DNER: variants seen among roughly 807,000 people sequenced by gnomAD.
DNER encodes the protein delta and Notch-like epidermal growth factor-related receptor.
In DNER, 33 loss-of-function variants were observed where a neutral mutation model predicts 78.2. The observed-to-expected ratio is 0.42, with a 90% CI of 0.32 to 0.56. The LOEUF (loss-of-function observed/expected upper bound fraction) is 0.56, where lower values mean the gene tolerates loss of function less well. Among genes scored for constraint, DNER ranks in the 20% least tolerant of loss-of-function variants. The pLI is 0.11. For missense variants in DNER, 918 were observed against 975.3 expected, an observed-to-expected ratio of 0.94 and a Z score of 0.78; for synonymous variants, 417 against 384.8, an observed-to-expected ratio of 1.08 and a Z score of -0.98.
At chr2:229,452,816 CG>C in intron 7 of DNER, among the ~76,000 whole-genome samples, 1 of 151,792 alleles carries the variant, frequency 6.6e-6, no homozygotes, top group Admixed American at 6.6e-5. Context: ...TTAGTAGAGA[CG>C]GGGTTTCACC....
At chr2:229,669,554 G>C (rs1699172401) in intron 1 of DNER, among the ~76,000 whole-genome samples, 1 of 152,124 alleles carries the variant, frequency 6.6e-6, no homozygotes, top group Admixed American at 6.5e-5. Context: ...AGCATGGAAT[G>C]TTTTCCCATT....
intron 4 of DNER, among the ~76,000 whole-genome samples, chr2:229,559,473 A>G (rs16826188): frequency 0.021 from 3,263 of 152,282 alleles, 111 homozygotes; most frequent in African/African-American, 0.066. Flanking sequence ...GAAAGATAAG[A>G]TCTCTGTGAC....
chr2:229,447,977 T>C (rs968646725), intron 7 of DNER, among the ~76,000 whole-genome samples: 1 of 152,190 alleles, frequency 6.6e-6, no homozygotes, highest in Non-Finnish European at 1.5e-5. Flanking sequence ...TTAATAGATA[T>C]GACATAATCC....
chr2:229,702,302 A>G (rs1184945047), intron 1 of DNER, among the ~76,000 whole-genome samples: 1 of 152,158 alleles, frequency 6.6e-6, no homozygotes, highest in Non-Finnish European at 1.5e-5. Flanking sequence ...TGGGAGGTCA[A>G]GGCGGGAGGA....
At chr2:229,364,871 G>A (rs1418436114) in intron 12 of DNER, among the ~76,000 whole-genome samples, 1 of 78,942 alleles carries the variant, frequency 1.3e-5, no homozygotes, top group Non-Finnish European at 2.2e-5. Flanking sequence ...TTTTTTTTTA[G>A]GTAGAGTCTT....
intron 9 of DNER, among the ~76,000 whole-genome samples, chr2:229,413,693 G>A (rs1341568270): frequency 6.7e-6 from 1 of 150,254 alleles, no homozygotes; most frequent in African/African-American, 2.4e-5. Flanking sequence ...TTTTTAGGAG[G>A]ATAAATATAT....
At chr2:229,490,027 G>C (rs1346598508) in intron 6 of DNER, among the ~76,000 whole-genome samples, 1 of 152,128 alleles carries the variant, frequency 6.6e-6, no homozygotes, top group Non-Finnish European at 1.5e-5. Flanking sequence ...GAGGGAAGAG[G>C]AGGAGAGGAG....
chr2:229,494,644 AC>A (rs1338207922), intron 6 of DNER, among the ~76,000 whole-genome samples: 1 of 152,142 alleles, frequency 6.6e-6, no homozygotes, highest in Non-Finnish European at 1.5e-5. Context: ...AGGCTGTCAT[AC>A]CCTTAGAAAC....
chr2:229,618,971 C>A (rs1419580545), intron 1 of DNER, among the ~76,000 whole-genome samples: 1 of 152,002 alleles, frequency 6.6e-6, no homozygotes, highest in Admixed American at 6.6e-5. Context: ...CCCTCTACAC[C>A]CACTCCTGCT....
chr2:229,442,597 C>T (rs1213631890), intron 8 of DNER, among the ~76,000 whole-genome samples: 1 of 152,086 alleles, frequency 6.6e-6, no homozygotes, highest in Non-Finnish European at 1.5e-5. Flanking sequence ...ACTTACTATA[C>T]TTATCCAAAA....
intron 5 of DNER, among the ~76,000 whole-genome samples, chr2:229,521,285 T>C (rs1696092202): frequency 1.3e-5 from 2 of 152,254 alleles, no homozygotes; most frequent in South Asian, 4.2e-4. Context: ...CAGCCATCAG[T>C]GGGAGGAAGA....
chr2:229,554,919 A>G (rs1380516431), intron 4 of DNER, among the ~76,000 whole-genome samples: 1 of 61,658 alleles, frequency 1.6e-5, no homozygotes, highest in African/African-American at 6.1e-5. Context: ...AGAGAAGAGA[A>G]GAGAAGAGAA....
intron 6 of DNER, among the ~76,000 whole-genome samples, chr2:229,499,609 T>A (rs1695572087): frequency 7.0e-6 from 1 of 143,762 alleles, no homozygotes. Context: ...GACCTGAAAC[T>A]GTTAAACAGA....
At chr2:229,506,190 T>TGC (rs1553536221) in intron 6 of DNER, among the ~76,000 whole-genome samples, 1 of 150,716 alleles carries the variant, frequency 6.6e-6, no homozygotes, top group Non-Finnish European at 1.5e-5. Flanking sequence ...TCCACAGGGC[T>TGC]GGGGGGCCTC....
intron 1 of DNER, among the ~76,000 whole-genome samples, chr2:229,635,309 T>C (rs1435096235): frequency 7.1e-6 from 1 of 141,668 alleles, no homozygotes; most frequent in Non-Finnish European, 1.5e-5. Context: ...CAATACCACA[T>C]GTTAAATGTT....
At chr2:229,543,700 C>G (rs1267811088) in intron 5 of DNER, among the ~76,000 whole-genome samples, 3 of 152,174 alleles carry the variant, frequency 2.0e-5, no homozygotes, top group Non-Finnish European at 4.4e-5. Flanking sequence ...TCCTCCACCC[C>G]CTGCCAGTGG....
In DNER at chr2:229,388,269, C is replaced by G. The variant is rs1692940933; in HGVS notation, c.1851G>C (p.Glu617Asp). The change falls in exon 11 of 13, where the codon GAG becomes GAC. Residue 617 changes from glutamate to aspartate, a missense_variant. Coordinates refer to ENST00000341772, the MANE Select transcript of DNER (RefSeq NM_139072.4). ...CTGAGCTGCAGAAATACTTACGGAT[C>G]TCACAGTTTGCTCCCACCCAACCAT... is the stretch of plus-strand genomic sequence containing the variant. ...CPHGWVGANC[E>D]IHLQWKSGHM... 2 of 1,606,510 alleles carry G rather than the reference C, an allele frequency of 1.2e-6. No homozygotes were observed. The highest frequency in any genetic ancestry group is 1.7e-6 in the Non-Finnish European group (2 of 1,176,284).
At chr2:229,388,467 A>C in intron 10 of DNER, 71 bp from the exon 11 acceptor site, 3 of 1,514,752 alleles carry the variant, frequency 2.0e-6, no homozygotes, top group South Asian at 1.3e-5. Context: ...TGGCCAAAAA[A>C]TAAAGATCCA....
At chr2:229,636,357 A>G (rs1307003672) in intron 1 of DNER, among the ~76,000 whole-genome samples, 1 of 152,234 alleles carries the variant, frequency 6.6e-6, no homozygotes, top group Admixed American at 6.5e-5. Flanking sequence ...TAGGGAAGAT[A>G]GTGTTCAACT....
Sources: gnomAD v4.1 joint callset for allele counts (sites outside exome capture counted in the v4.1 genomes callset) on GRCh38, gnomAD v4.1.1 for gene constraint, MANE v1.5 for transcripts, NCBI Gene and HGNC (gene_info 2026-07-23, HGNC 2026-07-21) for gene names.